RANBP2: variants seen among roughly 807,000 people sequenced by gnomAD.
The protein encoded by RANBP2 is RAN binding protein 2.
In RANBP2, 57 loss-of-function variants were observed where a neutral mutation model predicts 303.6. That is an observed-to-expected ratio of 0.19 (90% CI 0.15 to 0.23). The LOEUF is 0.23. Ranked by LOEUF, RANBP2 falls within the 10% of genes least tolerant of loss-of-function variation. The pLI, the probability that RANBP2 is intolerant of heterozygous loss-of-function variation, is 1.00. For missense variants in RANBP2, 3,138 were observed against 3,780.8 expected, an observed-to-expected ratio of 0.83 and a Z score of 4.46; for synonymous variants, 1,167 against 1,301.5, an observed-to-expected ratio of 0.90 and a Z score of 2.23.
the RANBP2 span, among the ~76,000 whole-genome samples, chr2:109,706,171 CAG>C: frequency 6.6e-6 from 1 of 152,238 alleles, no homozygotes; most frequent in South Asian, 2.1e-4. Flanking sequence ...CCCCTGTCCC[CAG>C]TCTATTCTCA....
the RANBP2 span, among the ~76,000 whole-genome samples, chr2:109,629,320 TATATATATATATATATATATATATA>T: frequency 1.0e-3 from 4 of 3,868 alleles, no homozygotes; most frequent in African/African-American, 5.0e-3. Context: ...TATATATATA[TATATATATATATATATATATATATA>T]TATATATATA....
chr2:109,721,510 A>G, the RANBP2 span, among the ~76,000 whole-genome samples: 1 of 152,192 alleles, frequency 6.6e-6, no homozygotes, highest in African/African-American at 2.4e-5. Context: ...ATTCGCTCAG[A>G]AGGTGCCTTT....
At chr2:109,272,236 T>G in the RANBP2 span, among the ~76,000 whole-genome samples, 3,060 of 152,346 alleles carry the variant, frequency 0.02, 93 homozygotes, top group African/African-American at 0.07. Context: ...GTAAGCTGCT[T>G]CTTGCTTGTC....
At chr2:109,371,437 T>C in the RANBP2 span, 6 of 584,834 alleles carry the variant, frequency 1.0e-5, no homozygotes, top group South Asian at 1.3e-4. Context: ...TGGGTGAAGA[T>C]GTCAGATACC....
chr2:109,124,103 C>T, the RANBP2 span, among the ~76,000 whole-genome samples: 70 of 151,932 alleles, frequency 4.6e-4, no homozygotes, highest in South Asian at 1.7e-3. Flanking sequence ...CTCCACCTCC[C>T]GGGTTCAAGC....
chr2:108,910,573 T>C, the RANBP2 span: 1 of 1,557,746 alleles, frequency 6.4e-7, no homozygotes, highest in Non-Finnish European at 8.8e-7. Context: ...GGAGTTAGAA[T>C]TGGCTCATGG....
the RANBP2 span, among the ~76,000 whole-genome samples, chr2:109,001,496 C>G: frequency 1.3e-5 from 2 of 152,198 alleles, no homozygotes; most frequent in Non-Finnish European, 2.9e-5. Context: ...GAGAGAGGAG[C>G]TGGACAAGAA....
chr2:109,136,289 A>G, the RANBP2 span, among the ~76,000 whole-genome samples: 204 of 152,220 alleles, frequency 1.3e-3, no homozygotes, highest in African/African-American at 4.9e-3. Flanking sequence ...GCACCACTTG[A>G]AGAGGCCAAG....
chr2:108,840,560 T>C, the RANBP2 span, among the ~76,000 whole-genome samples: 1 of 152,226 alleles, frequency 6.6e-6, no homozygotes, highest in Admixed American at 6.5e-5. Context: ...TAGTAGTTTG[T>C]GCTTTTTGAG....
chr2:108,911,093 T>A, the RANBP2 span: 1 of 1,613,804 alleles, frequency 6.2e-7, no homozygotes, highest in Non-Finnish European at 8.5e-7. Flanking sequence ...AGAGAAGGCA[T>A]GAATGACCCA....
the RANBP2 span, chr2:109,545,100 G>A: frequency 1.0e-6 from 1 of 985,446 alleles, no homozygotes; most frequent in Non-Finnish European, 1.2e-6. Flanking sequence ...GTCTGAAATA[G>A]ATGCAGTGAG....
the RANBP2 span, among the ~76,000 whole-genome samples, chr2:109,152,755 G>A: frequency 1.3e-5 from 2 of 152,196 alleles, no homozygotes; most frequent in Non-Finnish European, 2.9e-5. Context: ...GAGGGGCGGG[G>A]GGGACCCAGT....
the RANBP2 span, among the ~76,000 whole-genome samples, chr2:109,264,648 A>C: frequency 6.6e-6 from 1 of 152,214 alleles, no homozygotes; most frequent in Non-Finnish European, 1.5e-5. Flanking sequence ...GGTGAATTTT[A>C]CAACAGAGAT....
the RANBP2 span, among the ~76,000 whole-genome samples, chr2:109,007,501 C>A: frequency 6.6e-6 from 1 of 152,198 alleles, no homozygotes; most frequent in Admixed American, 6.5e-5. Context: ...TTACTGCCAC[C>A]TCTAATTTAG....
chr2:108,965,413 C>T, the RANBP2 span, among the ~76,000 whole-genome samples: 1 of 146,838 alleles, frequency 6.8e-6, no homozygotes, highest in African/African-American at 2.5e-5. Context: ...CCCGGGAGGC[C>T]GAGGTCACGC....
chr2:109,732,659 C>T, the RANBP2 span: 56 of 534,970 alleles, frequency 1.0e-4, no homozygotes, highest in South Asian at 2.5e-4. Context: ...ATTAGAGAAC[C>T]GGGTTTCATC....
At chr2:109,714,976 G>A in the RANBP2 span, among the ~76,000 whole-genome samples, 2 of 126,644 alleles carry the variant, frequency 1.6e-5, no homozygotes, top group Non-Finnish European at 3.4e-5. Flanking sequence ...GGGGGGTGGG[G>A]GTGGGGGCGG....
At chr2:109,652,323 C>T in the RANBP2 span, among the ~76,000 whole-genome samples, 4 of 151,870 alleles carry the variant, frequency 2.6e-5, no homozygotes, top group African/African-American at 7.3e-5. Context: ...CCCAGGTTCA[C>T]GCCATTCTCC....
chr2:109,700,187 C>A, the RANBP2 span, among the ~76,000 whole-genome samples: 1 of 152,142 alleles, frequency 6.6e-6, no homozygotes, highest in African/African-American at 2.4e-5. Context: ...GGAATGTTTT[C>A]AAATACATTC....
Sources: allele counts gnomAD v4.1 joint callset (sites outside exome capture counted in the v4.1 genomes callset), GRCh38; gene constraint gnomAD v4.1.1; transcripts MANE v1.5; gene names NCBI Gene and HGNC (gene_info 2026-07-23, HGNC 2026-07-21).